SORCS1: variants seen among roughly 807,000 people sequenced by gnomAD.
The protein encoded by SORCS1 is VPS10 domain-containing receptor SorCS1.
SORCS1 carries 60 observed loss-of-function variants against 146.1 expected under a neutral mutation model. The observed-to-expected ratio is 0.41, with a 90% CI of 0.33 to 0.51. The LOEUF (loss-of-function observed/expected upper bound fraction) is 0.51, where lower values mean the gene tolerates loss of function less well. Among genes scored for constraint, SORCS1 ranks in the 20% least tolerant of loss-of-function variants. The pLI is 0.21. For synonymous variants in SORCS1, 637 were observed against 584.0 expected, an observed-to-expected ratio of 1.09 and a Z score of -1.31; for missense variants, 1,352 against 1,487.6, an observed-to-expected ratio of 0.91 and a Z score of 1.50.
At chr10:107,010,801 T>C (rs1205011640) in intron 1 of SORCS1, among the ~76,000 whole-genome samples, 3 of 152,172 alleles carry the variant, frequency 2.0e-5, no homozygotes, top group African/African-American at 4.8e-5. Context: ...TCGCAGTGTC[T>C]ATTGGCAGAG....
intron 24 of SORCS1, among the ~76,000 whole-genome samples, chr10:106,591,814 A>T (rs887077791): frequency 2.6e-5 from 4 of 152,094 alleles, no homozygotes; most frequent in African/African-American, 9.7e-5. Flanking sequence ...GAAAGATGTC[A>T]TGCAAATGTT....
At chr10:107,089,068 G>A (rs554563192) in intron 1 of SORCS1, among the ~76,000 whole-genome samples, 45 of 152,220 alleles carry the variant, frequency 3.0e-4, no homozygotes, top group African/African-American at 1.1e-3. Context: ...ATGGAAAATA[G>A]GCTGGATCGA....
At position 106,860,391 on chromosome 10, in the gene SORCS1, G is replaced by A. The variant is rs78866234; in HGVS notation, c.627-30718C>T. 2.0e-3 allele frequency among the ~76,000 whole-genome samples: 302 copies of A among 152,272 alleles called. 2 individuals carry two copies. The East Asian group carries it at 0.021, about 11-fold the overall frequency. ...CACTGGGGTCAAATCTTCATAGGCT[G>A]CATTACCCTACACTCCTGAATTATG... On this transcript the variant is annotated intron_variant, in intron 2 of 25. Coordinates refer to ENST00000263054, the MANE Select transcript of SORCS1 (RefSeq NM_052918.5).
intron 2 of SORCS1, among the ~76,000 whole-genome samples, chr10:106,891,490 T>A (rs1458522559): frequency 6.6e-6 from 1 of 151,066 alleles, no homozygotes; most frequent in Non-Finnish European, 1.5e-5. Context: ...TAATCAGAAG[T>A]TTCAATGGGA....
At chr10:106,806,601 T>C (rs1238058821) in intron 3 of SORCS1, among the ~76,000 whole-genome samples, 1 of 138,106 alleles carries the variant, frequency 7.2e-6, no homozygotes, top group Non-Finnish European at 1.5e-5. Context: ...CTGCAAGCTC[T>C]GCCTCCCGGG....
At chr10:106,678,553 C>T (rs530406272) in intron 12 of SORCS1, among the ~76,000 whole-genome samples, 27 of 152,226 alleles carry the variant, frequency 1.8e-4, no homozygotes, top group Non-Finnish European at 3.4e-4. Flanking sequence ...GATAATTAAA[C>T]GTCAGTAGGT....
chr10:106,974,927 T>C (rs1955930689), intron 1 of SORCS1, among the ~76,000 whole-genome samples: 1 of 152,320 alleles, frequency 6.6e-6, no homozygotes, highest in East Asian at 1.9e-4. Context: ...AAATTGTCAA[T>C]GCCACAAACA....
intron 3 of SORCS1, among the ~76,000 whole-genome samples, chr10:106,811,361 T>C (rs1947449350): frequency 3.3e-5 from 5 of 152,202 alleles, no homozygotes; most frequent in Admixed American, 3.3e-4. Context: ...AGAGTTTCAC[T>C]GAAAAATAAT....
chr10:106,724,719 A>G (rs1030138148), intron 6 of SORCS1, among the ~76,000 whole-genome samples: 1 of 152,212 alleles, frequency 6.6e-6, no homozygotes, highest in African/African-American at 2.4e-5. Context: ...ATAAGAATTC[A>G]CAACACACTC....
intron 1 of SORCS1, among the ~76,000 whole-genome samples, chr10:107,032,216 C>T (rs11193176): frequency 0.012 from 1,884 of 152,174 alleles, 32 homozygotes; most frequent in African/African-American, 0.043. Flanking sequence ...AGTAAGAACT[C>T]TTGTTGCAAC....
intron 1 of SORCS1, among the ~76,000 whole-genome samples, chr10:106,973,709 G>A (rs1389696311): frequency 6.6e-6 from 1 of 152,136 alleles, no homozygotes; most frequent in Non-Finnish European, 1.5e-5. Flanking sequence ...GATTAATGTG[G>A]CAAAAATAAA....
intron 1 of SORCS1, among the ~76,000 whole-genome samples, chr10:107,022,008 G>C (rs913734421): frequency 2.0e-5 from 3 of 152,264 alleles, no homozygotes; most frequent in Middle Eastern, 3.4e-3. Flanking sequence ...AGATCGCTCT[G>C]ATCTCCAATA....
intron 7 of SORCS1, among the ~76,000 whole-genome samples, chr10:106,708,292 C>T (rs1288777744): frequency 6.6e-6 from 1 of 151,652 alleles, no homozygotes; most frequent in Non-Finnish European, 1.5e-5. Context: ...ATATGTGAAA[C>T]ATTTTATAAG....
At chr10:107,152,545 T>G (rs1339926682) in intron 1 of SORCS1, among the ~76,000 whole-genome samples, 1 of 151,998 alleles carries the variant, frequency 6.6e-6, no homozygotes, top group Non-Finnish European at 1.5e-5. Flanking sequence ...ATCATGGGAG[T>G]GGCTACCTCC....
At chr10:107,102,064 T>C (rs554136557) in intron 1 of SORCS1, among the ~76,000 whole-genome samples, 1 of 152,204 alleles carries the variant, frequency 6.6e-6, no homozygotes, top group Non-Finnish European at 1.5e-5. Context: ...CTGGACCTTA[T>C]GAAACGATTT....
intron 3 of SORCS1, among the ~76,000 whole-genome samples, chr10:106,815,500 C>T (rs1181506605): frequency 1.3e-5 from 2 of 152,094 alleles, no homozygotes; most frequent in Non-Finnish European, 2.9e-5. Flanking sequence ...ATAATTGAAG[C>T]CAAATGGTTT....
chr10:107,044,933 A>G (rs531576900), intron 1 of SORCS1, among the ~76,000 whole-genome samples: 1 of 152,158 alleles, frequency 6.6e-6, no homozygotes, highest in African/African-American at 2.4e-5. Flanking sequence ...CACATGCTGC[A>G]GGAGATGGAT....
At chr10:107,017,142 C>T (rs750669417) in intron 1 of SORCS1, among the ~76,000 whole-genome samples, 1 of 152,158 alleles carries the variant, frequency 6.6e-6, no homozygotes, top group Non-Finnish European at 1.5e-5. Flanking sequence ...CCAGAAATTC[C>T]ACTTCTAGAT....
At chr10:106,968,147 T>C (rs1286409803) in intron 1 of SORCS1, among the ~76,000 whole-genome samples, 2 of 151,944 alleles carry the variant, frequency 1.3e-5, no homozygotes, top group Non-Finnish European at 2.9e-5. Flanking sequence ...GAGGCGGAGC[T>C]TGCAGTGAGC....
Sources: allele counts gnomAD v4.1 joint callset (sites outside exome capture counted in the v4.1 genomes callset), GRCh38; gene constraint gnomAD v4.1.1; transcripts MANE v1.5; gene names NCBI Gene and HGNC (gene_info 2026-07-23, HGNC 2026-07-21).